PDZRN4: variants seen among roughly 807,000 people sequenced by gnomAD.
PDZRN4 encodes PDZ domain containing ring finger 4.
PDZRN4 carries 70 observed loss-of-function variants against 99.0 expected under a neutral mutation model. That is an observed-to-expected ratio of 0.71 (90% confidence interval 0.58 to 0.86). The LOEUF (loss-of-function observed/expected upper bound fraction) is 0.86, where lower values mean the gene tolerates loss of function less well. Ranked by LOEUF, PDZRN4 falls within the 40% of genes least tolerant of loss-of-function variation. The probability of loss-of-function intolerance (pLI) is 0.00; values close to 1 mark genes in which losing one functional copy is unlikely to be tolerated. For missense variants in PDZRN4, 1,474 were observed against 1,331.2 expected, an observed-to-expected ratio of 1.11 and a Z score of -1.67; for synonymous variants, 551 against 501.6, an observed-to-expected ratio of 1.10 and a Z score of -1.32.
At chr12:41,469,845 G>C (rs1336507235) in intron 3 of PDZRN4, among the ~76,000 whole-genome samples, 2 of 152,282 alleles carry the variant, frequency 1.3e-5, no homozygotes, top group Non-Finnish European at 1.5e-5. Flanking sequence ...CGGGAGAATG[G>C]TGTGAACCTG....
intron 3 of PDZRN4, among the ~76,000 whole-genome samples, chr12:41,243,748 C>A (rs867587443): frequency 1.3e-5 from 2 of 152,136 alleles, no homozygotes; most frequent in African/African-American, 2.4e-5. Context: ...GATAGCACTG[C>A]CTGATAGCTA....
At chr12:41,457,050 C>G (rs1952822300) in intron 3 of PDZRN4, among the ~76,000 whole-genome samples, 1 of 152,088 alleles carries the variant, frequency 6.6e-6, no homozygotes, top group Non-Finnish European at 1.5e-5. Flanking sequence ...GTGCTAAATC[C>G]TTTAGCATCT....
rs201011975 is a variant in PDZRN4 at position 41,563,533 on chromosome 12, T to A, written c.1366-15T>A. ...GGAAATGGAAACTAATGTGCCACTCTCATTTGTTTTCTAGATAAATGGGGA... is the reference window on the plus strand; with the variant it reads ...GGAAATGGAAACTAATGTGCCACTCACATTTGTTTTCTAGATAAATGGGGA... On this transcript the variant is annotated splice_polypyrimidine_tract_variant and intron_variant, in intron 7 of 9. Coordinates refer to ENST00000402685, the MANE Select transcript of PDZRN4 (RefSeq NM_001164595.2). 3.2e-6 allele frequency: 5 copies of A among 1,572,978 alleles called. No individual in the cohort carries two copies. The East Asian group carries it at 1.1e-4, about 35-fold the overall frequency.
chr12:41,331,816 A>C (rs575483046), intron 3 of PDZRN4, among the ~76,000 whole-genome samples: 1 of 152,110 alleles, frequency 6.6e-6, no homozygotes, highest in Non-Finnish European at 1.5e-5. Context: ...AAAGCCCCTT[A>C]TAAAACCTAT....
chr12:41,230,830 G>C (rs1951023659), intron 3 of PDZRN4, among the ~76,000 whole-genome samples: 1 of 151,968 alleles, frequency 6.6e-6, no homozygotes, highest in African/African-American at 2.4e-5. Flanking sequence ...ATTTGTAATA[G>C]TCACATGCAT....
At chr12:41,260,004 T>C (rs1951226996) in intron 3 of PDZRN4, among the ~76,000 whole-genome samples, 1 of 152,154 alleles carries the variant, frequency 6.6e-6, no homozygotes, top group African/African-American at 2.4e-5. Flanking sequence ...TAGAATACTG[T>C]TGGCAAACTT....
chr12:41,420,431 G>A (rs1952479049), intron 3 of PDZRN4, among the ~76,000 whole-genome samples: 2 of 152,056 alleles, frequency 1.3e-5, no homozygotes, highest in South Asian at 4.1e-4. Context: ...CTTCTTGAAA[G>A]ACTGGTTTTT....
chr12:41,278,547 C>T (rs924548084), intron 3 of PDZRN4, among the ~76,000 whole-genome samples: 1 of 152,150 alleles, frequency 6.6e-6, no homozygotes, highest in African/African-American at 2.4e-5. Context: ...TAAAACCCTG[C>T]TAGAGGGGCC....
chr12:41,526,225 G>A (rs1390217723), intron 5 of PDZRN4, among the ~76,000 whole-genome samples: 2 of 152,166 alleles, frequency 1.3e-5, no homozygotes, highest in Non-Finnish European at 2.9e-5. Context: ...TTAGAGCTAT[G>A]GGGAGGCTTA....
chr12:41,533,334 C>G (rs930991468), intron 5 of PDZRN4, among the ~76,000 whole-genome samples: 58 of 152,040 alleles, frequency 3.8e-4, no homozygotes, highest in African/African-American at 1.3e-3. Context: ...GCCACCACAC[C>G]TGGCTACTTT....
At chr12:41,422,373 G>C (rs1305567692) in intron 3 of PDZRN4, among the ~76,000 whole-genome samples, 1 of 152,152 alleles carries the variant, frequency 6.6e-6, no homozygotes, top group Non-Finnish European at 1.5e-5. Flanking sequence ...GCTCCCTTCA[G>C]TAAATTTGTG....
chr12:41,518,701 T>A (rs977999406), intron 5 of PDZRN4, among the ~76,000 whole-genome samples: 1 of 152,100 alleles, frequency 6.6e-6, no homozygotes, highest in Non-Finnish European at 1.5e-5. Context: ...TTATATAACC[T>A]TTATTTAAAG....
intron 3 of PDZRN4, among the ~76,000 whole-genome samples, chr12:41,447,222 T>C (rs1004524093): frequency 2.0e-5 from 3 of 152,148 alleles, no homozygotes; most frequent in Non-Finnish European, 4.4e-5. Context: ...AGGTAGATTT[T>C]GCCATTTGCT....
At chr12:41,235,636 C>A (rs201729879) in intron 3 of PDZRN4, among the ~76,000 whole-genome samples, 3 of 152,088 alleles carry the variant, frequency 2.0e-5, no homozygotes, top group African/African-American at 4.8e-5. Flanking sequence ...AAAATAGAAA[C>A]CTAAATTTAG....
At chr12:41,216,373 A>C (rs1397316403) in intron 3 of PDZRN4, among the ~76,000 whole-genome samples, 5 of 151,976 alleles carry the variant, frequency 3.3e-5, no homozygotes, top group African/African-American at 1.2e-4. Flanking sequence ...GGGAAGAAGA[A>C]TAAAATTAAG....
intron 3 of PDZRN4, among the ~76,000 whole-genome samples, chr12:41,239,758 A>G (rs906811243): frequency 6.6e-6 from 1 of 152,200 alleles, no homozygotes; most frequent in Non-Finnish European, 1.5e-5. Context: ...CTGCTGATTC[A>G]CTGGGAAGCA....
chr12:41,555,058 A>C (rs1161811432), intron 6 of PDZRN4, among the ~76,000 whole-genome samples: 1 of 9,390 alleles, frequency 1.1e-4, no homozygotes, highest in Non-Finnish European at 3.1e-4. Context: ...AATACAAAAA[A>C]AAAAAAAAAA....
intron 4 of PDZRN4, among the ~76,000 whole-genome samples, chr12:41,507,653 G>C (rs770985722): frequency 6.6e-6 from 1 of 152,084 alleles, no homozygotes; most frequent in Non-Finnish European, 1.5e-5. Context: ...AATTAAATGA[G>C]AATTCTTAGA....
At chr12:41,539,721 T>C (rs1938815114) in intron 5 of PDZRN4, among the ~76,000 whole-genome samples, 1 of 152,192 alleles carries the variant, frequency 6.6e-6, no homozygotes, top group African/African-American at 2.4e-5. Context: ...CCTTTTATGT[T>C]TTCTTAATAA....
Sources: allele counts gnomAD v4.1 joint callset (sites outside exome capture counted in the v4.1 genomes callset), GRCh38; gene constraint gnomAD v4.1.1; transcripts MANE v1.5; gene names NCBI Gene and HGNC (gene_info 2026-07-23, HGNC 2026-07-21).